The following CLDN15 variants were observed in gnomAD, a reference collection of about 807,000 sequenced individuals.
The protein encoded by CLDN15 is claudin 15, also known as claudin-15.
Under a neutral mutation model 24.5 loss-of-function variants are expected in CLDN15, and 9 were observed. The observed-to-expected ratio is 0.37, with a 90% CI of 0.22 to 0.64. The LOEUF (loss-of-function observed/expected upper bound fraction) is 0.64. Among genes scored for constraint, CLDN15 ranks in the 30% least tolerant of loss-of-function variants. The pLI, the probability that CLDN15 is intolerant of heterozygous loss-of-function variation, is 0.63. For missense variants in CLDN15, 248 were observed against 305.9 expected (o/e 0.81, Z 1.41); for synonymous variants, 149 against 131.4 (o/e 1.13, Z -0.92).
chr7:101,233,148 A>G (rs1336254405), intron 2 of CLDN15, among the ~76,000 whole-genome samples: 1 of 151,688 alleles, frequency 6.6e-6, no homozygotes, highest in African/African-American at 2.4e-5. Flanking sequence ...AGCTCATCTC[A>G]CACTACCTCA....
intron 1 of CLDN15, among the ~76,000 whole-genome samples, chr7:101,236,034 G>C (rs1166077074): frequency 6.6e-6 from 1 of 152,126 alleles, no homozygotes; most frequent in Non-Finnish European, 1.5e-5. Context: ...CCCAAGGCCC[G>C]GAACCTGGTC....
intron 1 of CLDN15, 71 bp from the exon 2 acceptor site, chr7:101,234,513 C>G (rs889190839): frequency 9.0e-7 from 1 of 1,110,636 alleles, no homozygotes; most frequent in Non-Finnish European, 1.3e-6. Flanking sequence ...CAGCCCCTCA[C>G]CATCCCAGGT....
chr7:101,234,193 A>C, intron 2 of CLDN15, 85 bp downstream of exon 2: 3 of 1,079,830 alleles, frequency 2.8e-6, no homozygotes, highest in East Asian at 2.4e-5. Context: ...AGGAGTGGGA[A>C]TTGGAGAGGA....
chr7:101,235,053 C>T (rs891762424), intron 1 of CLDN15, among the ~76,000 whole-genome samples: 12 of 152,184 alleles, frequency 7.9e-5, no homozygotes, highest in African/African-American at 2.9e-4. Flanking sequence ...AATCATTGTG[C>T]AAAGTCGCCC....
rs1798516264 is a variant in CLDN15 at position 101,232,328 on chromosome 7, G to A, written c.*82C>T. ...GAGCGGGGCGTGGCCGGCCCCTGAG[G>A]TTACTATAGGGGAATGGGCCCCGGC... On this transcript the variant is annotated 3_prime_UTR_variant, in exon 5 of 5. Coordinates refer to ENST00000308344, the MANE Select transcript of CLDN15 (RefSeq NM_014343.3). The A allele has an allele frequency of 1.7e-5, 17 of 1,015,538 alleles. No homozygotes were observed. Among genetic ancestry groups the A allele is most frequent in the Non-Finnish European group, 2.4e-5 (16 of 678,386 alleles). The allele number at this position is 1,015,538 out of a possible 1,614,324, so 62.9% of individuals were successfully genotyped here. A position where few individuals can be genotyped will look rare whatever the true frequency, so the allele number is the denominator to read the frequency against.
chr7:101,234,487 G>C, intron 1 of CLDN15, 45 bp from the exon 2 acceptor site: 1 of 1,454,136 alleles, frequency 6.9e-7, no homozygotes, highest in Non-Finnish European at 9.6e-7. Flanking sequence ...TCCCCTCTGC[G>C]ACGGAGCCAG....
In CLDN15 at chr7:101,232,285, G is replaced by C. The variant is rs1183581283; in HGVS notation, c.*125C>G. ...TGAGAGTGCAAGACACGGGGCCGTG[G>C]CCGGGGCGGGGCTACGGGAGCGGGG... On this transcript the variant is annotated 3_prime_UTR_variant, in exon 5 of 5. Transcript: ENST00000308344. 1 of 652,272 alleles carries C rather than the reference G, an allele frequency of 1.5e-6. No homozygotes were observed. Among genetic ancestry groups the C allele is most frequent in the African/African-American group, 1.9e-5 (1 of 53,896 alleles). 40.4% of individuals were successfully genotyped at this position (652,272 alleles called of 1,614,324 possible).
Position 101,237,765 on chromosome 7 carries a change from T to C in CLDN15, c.-184A>G. Reference sequence around the variant, plus strand: ...TCTCCACTTTCTGCCTCCCTCCTGCTCTGTGGGTCTCTCTGCTTCCTGGCA... The same window carrying C: ...TCTCCACTTTCTGCCTCCCTCCTGCCCTGTGGGTCTCTCTGCTTCCTGGCA... On this transcript the variant is annotated 5_prime_UTR_variant, in exon 1 of 5. Transcript: ENST00000308344. The surrounding 1 kb of genome is among the most constrained non-coding windows in gnomAD (Gnocchi z 4.0). 2 of 612,352 alleles carry C rather than the reference T, an allele frequency of 3.3e-6. No individual in the cohort carries two copies. The highest frequency in any genetic ancestry group is 3.8e-5 in the South Asian group (2 of 52,562). The allele number at this position is 612,352 out of a possible 1,614,324, so 37.9% of individuals were successfully genotyped here.
intron 1 of CLDN15, among the ~76,000 whole-genome samples, chr7:101,234,943 C>G (rs1021043295): frequency 6.6e-6 from 1 of 152,148 alleles, no homozygotes; most frequent in Non-Finnish European, 1.5e-5. Flanking sequence ...CTGGGCAACT[C>G]TATTCTGGGG....
Position 101,232,355 on chromosome 7 carries a change from A to G in CLDN15, c.*55T>C. 1.4e-5 allele frequency: 18 copies of G among 1,315,870 alleles called. No individual in the cohort carries two copies. The South Asian group carries it at 2.1e-4, about 15-fold the overall frequency. 81.5% of individuals were successfully genotyped at this position (1,315,870 alleles called of 1,614,324 possible). On this transcript the variant is annotated 3_prime_UTR_variant, in exon 5 of 5. Transcript: ENST00000308344. ...TACTATAGGGGAATGGGCCCCGGCC[A>G]GGTCCCCTCTCCTTGGGGCAGTGGG...
At position 101,236,919 on chromosome 7, in the gene CLDN15, T is replaced by C. The variant is rs2116841000; in HGVS notation, c.217+446A>G. 8 of 814,388 alleles carry C rather than the reference T, an allele frequency of 9.8e-6. No homozygotes were observed. The East Asian group carries it at 2.5e-4, about 26-fold the overall frequency. The allele number at this position is 814,388 out of a possible 1,614,324, so 50.4% of individuals were successfully genotyped here. On this transcript the variant is annotated intron_variant, in intron 1 of 4. Coordinates refer to ENST00000308344, the MANE Select transcript of CLDN15 (RefSeq NM_014343.3). Reference sequence around the variant, plus strand: ...TTGATCAACCTCTAAGAATCCAAGATGGGGCCTCCTCCCCCTGCCCACCCC... The same window carrying C: ...TTGATCAACCTCTAAGAATCCAAGACGGGGCCTCCTCCCCCTGCCCACCCC...
chr7:101,233,342 A>AC (rs1345538989), intron 2 of CLDN15, among the ~76,000 whole-genome samples: 3 of 151,370 alleles, frequency 2.0e-5, no homozygotes, highest in African/African-American at 7.3e-5. Context: ...AGCCAGGCAG[A>AC]CCCCCGGGCT....
intron 1 of CLDN15, among the ~76,000 whole-genome samples, chr7:101,235,103 C>T (rs1798597611): frequency 6.6e-6 from 1 of 152,186 alleles, no homozygotes. Flanking sequence ...TCTCACGTTG[C>T]TGGGTATACA....
At chr7:101,234,533 T>G (rs1325673844) in intron 1 of CLDN15, 91 bp from the exon 2 acceptor site, 5 of 879,746 alleles carry the variant, frequency 5.7e-6, no homozygotes, top group African/African-American at 1.6e-5. Flanking sequence ...TTCAAGTGAT[T>G]CTCCTGCCTC....
chr7:101,232,546 G>C (rs879087752), intron 4 of CLDN15, 31 bp from the exon 5 acceptor site: 1 of 1,595,748 alleles, frequency 6.3e-7, no homozygotes, highest in East Asian at 2.2e-5. Context: ...CAGAGCGGGG[G>C]CGCGGCCCTC....
intron 1 of CLDN15, chr7:101,236,933 C>G (rs1282148241): frequency 7.8e-6 from 5 of 639,414 alleles, no homozygotes; most frequent in African/African-American, 1.9e-5. Context: ...GCCTCCTCCC[C>G]CTGCCCACCC....
chr7:101,234,866 A>G (rs994165263), intron 1 of CLDN15, among the ~76,000 whole-genome samples: 8 of 151,154 alleles, frequency 5.3e-5, no homozygotes, highest in Admixed American at 5.3e-4. Context: ...CACTCCTCCC[A>G]TGCACCTGGC....
Position 101,237,492 on chromosome 7 carries a change from T to G in CLDN15, c.90A>C (p.Arg30=). ...TGACGTTCCCGTGCACAGTGGACAC[T>G]CGCCAGTAGCTGTTTGGCAGAGTCA... ...LGVTLPNSYW[R]VSTVHGNVIT... The change falls in exon 1 of 5, where the codon CGA becomes CGC. Residue 30 remains arginine, a synonymous_variant. Transcript: ENST00000308344. The surrounding 1 kb of genome is among the most constrained non-coding windows in gnomAD (Gnocchi z 4.0). 6.2e-7 allele frequency: 1 copy of G among 1,614,048 alleles called. No individual in the cohort carries two copies. The highest frequency in any genetic ancestry group is 1.1e-5 in the South Asian group (1 of 91,074).
intron 4 of CLDN15, 36 bp from the exon 5 acceptor site, chr7:101,232,551 G>A: frequency 6.3e-7 from 1 of 1,593,534 alleles, no homozygotes; most frequent in Non-Finnish European, 8.6e-7. Flanking sequence ...CGGGGGCGCG[G>A]CCCTCCTCTC....
Sources: gnomAD v4.1 joint callset for allele counts (sites outside exome capture counted in the v4.1 genomes callset) on GRCh38, gnomAD v4.1.1 for gene constraint, Gnocchi (gnomAD v3.1) non-coding constraint, MANE v1.5 for transcripts, NCBI Gene and HGNC (gene_info 2026-07-23, HGNC 2026-07-21) for gene names.